The following FGD4 variants were observed in gnomAD, a reference collection of about 807,000 sequenced individuals.
The protein encoded by FGD4 is FYVE, RhoGEF and PH domain-containing protein 4.
A neutral mutation model predicts 102.0 loss-of-function variants in FGD4; 42 were observed. That is an observed-to-expected ratio of 0.41 (90% confidence interval 0.32 to 0.53). The LOEUF is 0.53. Ranked by LOEUF, FGD4 falls within the 20% of genes least tolerant of loss-of-function variation. The pLI is 0.21. For synonymous variants in FGD4, 380 were observed against 375.7 expected (o/e 1.01, Z -0.13); for missense variants, 902 against 1,078.2 (o/e 0.84, Z 2.29).
intron 1 of FGD4, among the ~76,000 whole-genome samples, chr12:32,410,292 C>T (rs1012419178): frequency 1.3e-5 from 2 of 151,526 alleles, no homozygotes; most frequent in African/African-American, 2.4e-5. Flanking sequence ...TGTGCCACTG[C>T]ACTCCAGCCT....
chr12:32,633,172 C>T (rs535025411), intron 14 of FGD4, among the ~76,000 whole-genome samples: 1 of 151,974 alleles, frequency 6.6e-6, no homozygotes, highest in Non-Finnish European at 1.5e-5. Flanking sequence ...TGTATGACTG[C>T]CCCATTTCCT....
chr12:32,613,369 T>A (rs544517290), intron 10 of FGD4, among the ~76,000 whole-genome samples: 1 of 152,350 alleles, frequency 6.6e-6, no homozygotes, highest in Non-Finnish European at 1.5e-5. Context: ...TGCGTAGATT[T>A]CAAAGCTTTT....
intron 1 of FGD4, among the ~76,000 whole-genome samples, chr12:32,411,229 G>T (rs988670743): frequency 2.6e-5 from 4 of 151,660 alleles, no homozygotes; most frequent in African/African-American, 9.7e-5. Flanking sequence ...GCGCCCGGCC[G>T]CTCATTTGTA....
At chr12:32,502,949 G>A (rs777125318) in intron 1 of FGD4, among the ~76,000 whole-genome samples, 17 of 152,236 alleles carry the variant, frequency 1.1e-4, no homozygotes, top group Non-Finnish European at 2.1e-4. Flanking sequence ...CTATTTCAAG[G>A]GCTTCCTTTG....
chr12:32,484,763 T>A, intron 1 of FGD4, among the ~76,000 whole-genome samples: 1 of 151,844 alleles, frequency 6.6e-6, no homozygotes, highest in Non-Finnish European at 1.5e-5. Flanking sequence ...TCCAAGCTAC[T>A]TGGGAGGCTG....
chr12:32,431,041 G>C (rs1351162499), intron 1 of FGD4, among the ~76,000 whole-genome samples: 3 of 152,178 alleles, frequency 2.0e-5, no homozygotes, highest in East Asian at 3.8e-4. Context: ...CCAGGTTTTG[G>C]AACTGAATGA....
intron 1 of FGD4, among the ~76,000 whole-genome samples, chr12:32,447,958 ACT>A (rs1312820845): frequency 6.6e-6 from 1 of 152,206 alleles, no homozygotes. Context: ...GTATATTTTC[ACT>A]GTTTGTTTTT....
intron 1 of FGD4, chr12:32,485,836 C>T: frequency 1.7e-6 from 2 of 1,190,684 alleles, no homozygotes; most frequent in Non-Finnish European, 1.0e-6. Context: ...CCTAGTCCAC[C>T]CCCGGTATTC....
intron 1 of FGD4, among the ~76,000 whole-genome samples, chr12:32,452,709 G>A (rs2136477037): frequency 6.6e-6 from 1 of 152,284 alleles, no homozygotes; most frequent in Admixed American, 6.5e-5. Context: ...AATAAGTGGG[G>A]CGCAGTGGCT....
At chr12:32,630,082 TC>T (rs1179181848) in intron 14 of FGD4, among the ~76,000 whole-genome samples, 2 of 152,174 alleles carry the variant, frequency 1.3e-5, no homozygotes, top group African/African-American at 4.8e-5. Flanking sequence ...GCACTGTCCA[TC>T]CCAAGCTTTG....
intron 1 of FGD4, among the ~76,000 whole-genome samples, chr12:32,407,481 T>G (rs1940995627): frequency 6.6e-6 from 1 of 152,220 alleles, no homozygotes; most frequent in South Asian, 2.1e-4. Flanking sequence ...ACCAGGTTTA[T>G]AAGCTTCTGT....
intron 1 of FGD4, among the ~76,000 whole-genome samples, chr12:32,442,017 T>A (rs1942449536): frequency 6.6e-6 from 1 of 151,022 alleles, no homozygotes; most frequent in South Asian, 2.1e-4. Context: ...GGAAGGGTGG[T>A]GCTGGCAATT....
chr12:32,470,463 C>CTTTTTTTTTTT (rs551854980), intron 1 of FGD4, among the ~76,000 whole-genome samples: 5 of 130,840 alleles, frequency 3.8e-5, no homozygotes, highest in African/African-American at 5.6e-5. Context: ...TTTTCTTTTT[C>CTTTTTTTTTTT]TTTTTTTTTT....
chr12:32,565,906 T>A (rs903388152), intron 2 of FGD4, among the ~76,000 whole-genome samples: 2 of 152,234 alleles, frequency 1.3e-5, no homozygotes, highest in Admixed American at 1.3e-4. Context: ...CAAAATACTT[T>A]CAGGCAGTGT....
chr12:32,587,290 G>A lies in FGD4; in HGVS notation c.1011+4823G>A, dbSNP rs559497908. The stretch of plus-strand genomic sequence containing the variant: ...ATACCTGAGTTCAAATCCCAGCCCC[G>A]TCACTTACTAGCTAGGTGACCACTG... On this transcript the variant is annotated intron_variant, in intron 4 of 16. Coordinates refer to ENST00000534526, the MANE Select transcript of FGD4 (RefSeq NM_001370298.3). 6.6e-5 allele frequency among the ~76,000 whole-genome samples: 10 copies of A among 151,674 alleles called. No individual in the cohort carries two copies. In the South Asian group the frequency reaches 1.0e-3, roughly 16 times the overall value.
chr12:32,416,532 C>T (rs1941421233), intron 1 of FGD4, among the ~76,000 whole-genome samples: 1 of 152,010 alleles, frequency 6.6e-6, no homozygotes, highest in Non-Finnish European at 1.5e-5. Flanking sequence ...ACACAATGGA[C>T]ACACATAAAA....
In FGD4 at chr12:32,620,276, C is replaced by G. The variant is rs552024788; in HGVS notation, c.1922+406C>G. Among the ~76,000 whole-genome samples the G allele has an allele frequency of 2.0e-5, 3 of 152,182 alleles. No homozygotes were observed. The East Asian group carries it at 5.8e-4, about 29-fold the overall frequency. Reference sequence around the variant, plus strand: ...ATCTCTGAGTCTTTCAGATACTCTACATTTTAGGGCCTTAGGGGCAATCAA... The same window carrying G: ...ATCTCTGAGTCTTTCAGATACTCTAGATTTTAGGGCCTTAGGGGCAATCAA... On this transcript the variant is annotated intron_variant, in intron 11 of 16. Coordinates refer to ENST00000534526, the MANE Select transcript of FGD4 (RefSeq NM_001370298.3).
chr12:32,473,483 C>T (rs1943490730), intron 1 of FGD4, among the ~76,000 whole-genome samples: 1 of 152,078 alleles, frequency 6.6e-6, no homozygotes, highest in Non-Finnish European at 1.5e-5. Context: ...CAGCTTCACT[C>T]CTGAGCCAGC....
rs376920999 is a variant in FGD4 at position 32,538,617 on chromosome 12, G to A, written c.167-25520G>A. On this transcript the variant is annotated intron_variant, in intron 1 of 16. Coordinates refer to ENST00000534526, the MANE Select transcript of FGD4 (RefSeq NM_001370298.3). Reference sequence around the variant, plus strand: ...GAGATTGGAATCTGTGGCTGAGCCCGTACATGATTTTGGATGATTAATTAA... The same window carrying A: ...GAGATTGGAATCTGTGGCTGAGCCCATACATGATTTTGGATGATTAATTAA... Among the ~76,000 whole-genome samples the A allele has an allele frequency of 1.8e-4, 28 of 152,244 alleles. No individual in the cohort carries two copies. In the East Asian group the frequency reaches 4.1e-3, roughly 22 times the overall value.
Sources: allele counts gnomAD v4.1 joint callset (sites outside exome capture counted in the v4.1 genomes callset), GRCh38; gene constraint gnomAD v4.1.1; transcripts MANE v1.5; gene names NCBI Gene and HGNC (gene_info 2026-07-23, HGNC 2026-07-21).